Variants in NFASC observed in about 807,000 individuals in gnomAD.
NFASC encodes the protein neurofascin homolog.
A neutral mutation model predicts 147.5 loss-of-function variants in NFASC; 43 were observed. That is an observed-to-expected ratio of 0.29 (90% CI 0.23 to 0.38). NFASC has a LOEUF of 0.38. Among genes scored for constraint, NFASC ranks in the 10% least tolerant of loss-of-function variants. NFASC has a pLI of 1.00. For missense variants in NFASC, 1,320 were observed against 1,689.0 expected (o/e 0.78, Z 3.83); for synonymous variants, 622 against 665.5 (o/e 0.93, Z 1.01).
intron 8 of NFASC, among the ~76,000 whole-genome samples, chr1:204,960,288 G>A (rs1558261011): frequency 6.6e-6 from 1 of 152,236 alleles, no homozygotes; most frequent in Non-Finnish European, 1.5e-5. Context: ...GGTATGTAAT[G>A]CAAAATACTG....
At chr1:204,889,115 G>A (rs2081905223) in intron 1 of NFASC, among the ~76,000 whole-genome samples, 1 of 152,198 alleles carries the variant, frequency 6.6e-6, no homozygotes, top group South Asian at 2.1e-4. Context: ...GTTTCTGCCT[G>A]TCTGCACAAC....
chr1:204,882,304 G>A (rs1156315309), intron 1 of NFASC, among the ~76,000 whole-genome samples: 1 of 151,964 alleles, frequency 6.6e-6, no homozygotes, highest in Admixed American at 6.6e-5. Context: ...GCATGATCTG[G>A]CCCTCCCTAC....
intron 1 of NFASC, among the ~76,000 whole-genome samples, chr1:204,859,331 G>A (rs1189080129): frequency 1.1e-4 from 16 of 152,166 alleles, no homozygotes; most frequent in Non-Finnish European, 2.1e-4. Context: ...GTCTTCCCCC[G>A]CCTTAGCCCC....
At position 205,020,511 on chromosome 1, in the gene NFASC, G is replaced by C. The variant is rs1002707468; in HGVS notation, c.*3972G>C. ...TTAGAGGAGTGGGAAAGGCCACCAG[G>C]GTTGGGCCCTGTTTAGGTAATTCCT... On this transcript the variant is annotated 3_prime_UTR_variant, in exon 30 of 30. Transcript: ENST00000339876. 2.0e-5 allele frequency: 3 copies of C among 152,258 alleles called. No individual in the cohort carries two copies. Among genetic ancestry groups the C allele is most frequent in the Non-Finnish European group, 2.9e-5 (2 of 68,080 alleles). The allele number at this position is 152,258 out of a possible 1,614,324, so 9.4% of individuals were successfully genotyped here. A position where few individuals can be genotyped will look rare whatever the true frequency, so the allele number is the denominator to read the frequency against.
chr1:204,969,669 A>AG (rs1261363975), intron 10 of NFASC, among the ~76,000 whole-genome samples: 1 of 152,228 alleles, frequency 6.6e-6, no homozygotes, highest in Non-Finnish European at 1.5e-5. Flanking sequence ...TTTGAGGGGT[A>AG]GGGGGTGAGT....
intron 27 of NFASC, among the ~76,000 whole-genome samples, chr1:205,003,739 T>G (rs1408516819): frequency 6.6e-6 from 1 of 152,234 alleles, no homozygotes; most frequent in East Asian, 1.9e-4. Context: ...GAATGTTGAC[T>G]TAAATATTCA....
chr1:204,847,558 T>C (rs2075290446), intron 1 of NFASC, among the ~76,000 whole-genome samples: 1 of 152,196 alleles, frequency 6.6e-6, no homozygotes, highest in Non-Finnish European at 1.5e-5. Context: ...CTACAGAGAC[T>C]CCTCCTGGCT....
intron 26 of NFASC, among the ~76,000 whole-genome samples, chr1:205,001,501 C>T (rs2095985242): frequency 6.6e-6 from 1 of 152,114 alleles, no homozygotes; most frequent in Admixed American, 6.6e-5. Flanking sequence ...CTTCTCAAGC[C>T]ATTAGTGGAA....
intron 1 of NFASC, among the ~76,000 whole-genome samples, chr1:204,918,861 T>C (rs1055836595): frequency 1.3e-5 from 2 of 151,826 alleles, no homozygotes; most frequent in African/African-American, 4.8e-5. Context: ...GCTGGGATTA[T>C]AGGCATGAGC....
intron 1 of NFASC, among the ~76,000 whole-genome samples, chr1:204,849,671 G>A (rs1432310516): frequency 2.0e-5 from 3 of 152,162 alleles, no homozygotes; most frequent in Non-Finnish European, 4.4e-5. Context: ...ACCAAACCCA[G>A]GTCTGCAGCC....
intron 1 of NFASC, among the ~76,000 whole-genome samples, chr1:204,840,580 C>A (rs1279846051): frequency 6.6e-6 from 1 of 152,188 alleles, no homozygotes; most frequent in Non-Finnish European, 1.5e-5. Context: ...CGGTTGATTA[C>A]AACATGATGC....
chr1:204,950,485 G>A, intron 3 of NFASC, 72 bp from the exon 4 acceptor site: 1 of 1,422,298 alleles, frequency 7.0e-7, no homozygotes, highest in Non-Finnish European at 9.8e-7. Context: ...GCGTGAGGAT[G>A]CCTGGGCGGT....
intron 1 of NFASC, among the ~76,000 whole-genome samples, chr1:204,913,740 A>G (rs1445147718): frequency 6.6e-6 from 1 of 151,936 alleles, no homozygotes; most frequent in Non-Finnish European, 1.5e-5. Flanking sequence ...ATAGCCAGGT[A>G]TGCACCTGTG....
At chr1:204,969,390 T>C (rs1307251756) in intron 10 of NFASC, among the ~76,000 whole-genome samples, 1 of 151,736 alleles carries the variant, frequency 6.6e-6, no homozygotes, top group Non-Finnish European at 1.5e-5. Context: ...AACTGGGGAG[T>C]GGTCATGGCC....
At chr1:204,971,537 G>T (rs11802842) in intron 11 of NFASC, among the ~76,000 whole-genome samples, 4 of 152,300 alleles carry the variant, frequency 2.6e-5, no homozygotes, top group African/African-American at 4.8e-5. Context: ...AGGTGGAGAG[G>T]GGGGGACACA....
intron 21 of NFASC, among the ~76,000 whole-genome samples, chr1:204,983,130 A>G (rs1479545998): frequency 6.6e-6 from 1 of 152,178 alleles, no homozygotes; most frequent in Non-Finnish European, 1.5e-5. Context: ...GGACCAGCCC[A>G]CAGTTTCCAT....
At chr1:204,996,396 T>C (rs2841627) in intron 24 of NFASC, among the ~76,000 whole-genome samples, 149,626 of 152,256 alleles carry the variant, frequency 0.98, 73,533 homozygotes, top group East Asian at 1. Flanking sequence ...CTCATGTGAA[T>C]AGAAAGCACC....
chr1:204,974,478 G>A (rs1415942251), intron 13 of NFASC, 179 bp from the exon 14 acceptor site: 8 of 855,698 alleles, frequency 9.3e-6, no homozygotes, highest in Admixed American at 2.0e-5. Context: ...CCTTGAGAGG[G>A]ATGGAGGCTT....
intron 10 of NFASC, 118 bp downstream of exon 10, chr1:204,969,100 C>T: frequency 1.1e-6 from 1 of 889,188 alleles, no homozygotes; most frequent in Non-Finnish European, 1.7e-6. Context: ...GCCCACTGCT[C>T]AGTGGCAATG....
Sources: gnomAD v4.1 joint callset for allele counts (sites outside exome capture counted in the v4.1 genomes callset) on GRCh38, gnomAD v4.1.1 for gene constraint, MANE v1.5 for transcripts, NCBI Gene and HGNC (gene_info 2026-07-23, HGNC 2026-07-21) for gene names.